Variants in GLIPR1 observed in about 807,000 individuals in gnomAD.
GLIPR1 encodes the protein GLI pathogenesis related 1.
GLIPR1 carries 38 observed loss-of-function variants against 30.3 expected under a neutral mutation model. That is an observed-to-expected ratio of 1.26 (90% CI 0.97 to 1.65). The LOEUF is 1.65. GLIPR1 is among the 40% of genes most tolerant of loss of function. The probability of loss-of-function intolerance (pLI) is 0.00; values close to 1 mark genes in which losing one functional copy is unlikely to be tolerated. For synonymous variants in GLIPR1, 122 were observed against 110.6 expected (o/e 1.10, Z -0.65); for missense variants, 285 against 326.5 (o/e 0.87, Z 0.98).
chr12:75,501,914 G>A lies in GLIPR1; in HGVS notation c.*2936G>A. The A allele has an allele frequency of 6.2e-7, 1 of 1,607,938 alleles. No individual in the cohort carries two copies. Among genetic ancestry groups the A allele is most frequent in the Non-Finnish European group, 8.5e-7 (1 of 1,178,400 alleles). On this transcript the variant is annotated 3_prime_UTR_variant, in exon 6 of 6. Coordinates refer to ENST00000266659, the MANE Select transcript of GLIPR1 (RefSeq NM_006851.3). ...GCTATTCATGTGAGCCAGACATAAA[G>A]TGCCGTACCTTTATTGCTTCCATTT...
Position 75,490,422 on chromosome 12 carries a change from G to A in GLIPR1, c.437G>A (p.Ser146Asn). ...TCCTTTCAGGTTGTTTGGGCAGATA[G>A]TTACAAAGTTGGCTGCGCAGTTCAA... ...GHYTQVVWADSYKVGCAVQFC... is the reference protein window; with the variant it reads ...GHYTQVVWADNYKVGCAVQFC... Residue 146 changes from serine (S) to asparagine (N), a missense_variant, in exon 3 of 6, where the codon AGT (serine) becomes AAT (asparagine). Coordinates refer to ENST00000266659, the MANE Select transcript of GLIPR1 (RefSeq NM_006851.3). The A allele has an allele frequency of 6.3e-7, 1 of 1,591,980 alleles. No individual in the cohort carries two copies.
rs1391780144 is a variant in GLIPR1 at position 75,480,789 on chromosome 12, A to C, written c.-92A>C. On this transcript the variant is annotated 5_prime_UTR_variant, in exon 1 of 6. Coordinates refer to ENST00000266659, the MANE Select transcript of GLIPR1 (RefSeq NM_006851.3). ...CAAAGCTGAAGTCGGCTAGGTTTGC[A>C]AAGCTGTGGGCTGAGCACTCAGGCA... 1.1e-6 allele frequency: 1 copy of C among 947,686 alleles called. No homozygotes were observed. Among genetic ancestry groups the C allele is most frequent in the African/African-American group, 1.6e-5 (1 of 61,046 alleles). 58.7% of individuals were successfully genotyped at this position (947,686 alleles called of 1,614,324 possible).
chr12:75,486,438 A>G (rs1036434514), intron 2 of GLIPR1, among the ~76,000 whole-genome samples: 2 of 152,190 alleles, frequency 1.3e-5, no homozygotes, highest in East Asian at 3.9e-4. Context: ...ACTTCAAAAT[A>G]GGCCTATGGA....
chr12:75,484,392 TG>T (rs1387741419), intron 2 of GLIPR1: 1 of 152,200 alleles, frequency 6.6e-6, no homozygotes, highest in Non-Finnish European at 1.5e-5. Flanking sequence ...TACCCACAGG[TG>T]AATAAACAGA....
At chr12:75,481,177 T>TA (rs1445854334) in intron 1 of GLIPR1, 123 bp downstream of exon 1, 2 of 676,190 alleles carry the variant, frequency 3.0e-6, no homozygotes, top group Non-Finnish European at 4.8e-6. Flanking sequence ...ATGTATGCAG[T>TA]AAATTCACAG....
chr12:75,502,311 T>TAAAGGTAC lies in GLIPR1; in HGVS notation c.*3333_*3334insAAAGGTAC. ...TGGGGAAAATTTGAAGAAGCTTCAA[T>TAAAGGTAC]GGCAGACAAAGTAGGAGGGATAAGA... is the stretch of plus-strand genomic sequence containing the variant. On this transcript the variant is annotated 3_prime_UTR_variant, in exon 6 of 6. Coordinates refer to ENST00000266659, the MANE Select transcript of GLIPR1 (RefSeq NM_006851.3). The TAAAGGTAC allele has an allele frequency of 4.3e-6, 1 of 233,494 alleles. No individual in the cohort carries two copies. 14.5% of individuals were successfully genotyped at this position (233,494 alleles called of 1,614,324 possible).
intron 2 of GLIPR1, among the ~76,000 whole-genome samples, chr12:75,483,057 G>A (rs1180332475): frequency 6.6e-6 from 1 of 151,888 alleles, no homozygotes; most frequent in East Asian, 1.9e-4. Flanking sequence ...CCTTACTCCA[G>A]CTCAGCCTTA....
Position 75,481,717 on chromosome 12 carries a change from C to T in GLIPR1, c.175-117C>T, listed in dbSNP as rs1410109249. The T allele has an allele frequency of 7.2e-5, 61 of 842,632 alleles. No homozygotes were observed. In the East Asian group the frequency reaches 1.4e-3, roughly 19 times the overall value. The allele number at this position is 842,632 out of a possible 1,614,324, so 52.2% of individuals were successfully genotyped here. On this transcript the variant is annotated intron_variant, in intron 1 of 5. Transcript: ENST00000266659. ...TTGAAGACCATATTTATAGAGGACT[C>T]ATATGCAGTGGTATCTTCTCTCCTT...
chr12:75,503,795 C>A lies in GLIPR1; in HGVS notation c.*4817C>A, dbSNP rs559967256. The A allele has an allele frequency of 2.2e-5, 21 of 957,990 alleles. No homozygotes were observed. The highest frequency in any genetic ancestry group is 1.2e-4 in the East Asian group (5 of 40,224). 59.3% of individuals were successfully genotyped at this position (957,990 alleles called of 1,614,324 possible). A position where few individuals can be genotyped will look rare whatever the true frequency, so the allele number is the denominator to read the frequency against. ...TCTTATAGCTCTGCACACACACACACAATATATATATATACACATATCCCA... is the reference window on the plus strand; with the variant it reads ...TCTTATAGCTCTGCACACACACACAAAATATATATATATACACATATCCCA... On this transcript the variant is annotated 3_prime_UTR_variant, in exon 6 of 6. Coordinates refer to ENST00000266659, the MANE Select transcript of GLIPR1 (RefSeq NM_006851.3).
chr12:75,495,441 T>C (rs1224139948), intron 3 of GLIPR1, 136 bp from the exon 4 acceptor site: 3 of 585,910 alleles, frequency 5.1e-6, no homozygotes, highest in Non-Finnish European at 9.4e-6. Context: ...CCTTCCTGTC[T>C]TCACTTCTAT....
chr12:75,495,403 T>G, intron 3 of GLIPR1, 174 bp from the exon 4 acceptor site: 2 of 567,906 alleles, frequency 3.5e-6, no homozygotes, highest in Admixed American at 6.0e-5. Context: ...GAATGAACTA[T>G]GCAAATATTA....
Position 75,503,467 on chromosome 12 carries a change from T to C in GLIPR1, c.*4489T>C, listed in dbSNP as rs2046407740. 6.6e-6 allele frequency: 1 copy of C among 152,164 alleles called. No individual in the cohort carries two copies. Among genetic ancestry groups the C allele is most frequent in the Non-Finnish European group, 1.5e-5 (1 of 68,110 alleles). The allele number at this position is 152,164 out of a possible 1,614,324, so 9.4% of individuals were successfully genotyped here. ...AGAACAAAATGGAAACTGGTCATGG[T>C]GGGAAAGGAAATGAAGCAGAAGACA... On this transcript the variant is annotated 3_prime_UTR_variant, in exon 6 of 6. Transcript: ENST00000266659.
At chr12:75,487,542 T>C (rs1261564805) in intron 2 of GLIPR1, among the ~76,000 whole-genome samples, 1 of 152,102 alleles carries the variant, frequency 6.6e-6, no homozygotes, top group Non-Finnish European at 1.5e-5. Flanking sequence ...CCCTTTTAGA[T>C]CATGGAGTAG....
rs2046300921 is a variant in GLIPR1 at position 75,487,866 on chromosome 12, C to A, written c.421-2540C>A. 4 of 451,274 alleles carry A rather than the reference C, an allele frequency of 8.9e-6. No individual in the cohort carries two copies. In the Admixed American group the frequency reaches 9.5e-5, roughly 11 times the overall value. 28.0% of individuals were successfully genotyped at this position (451,274 alleles called of 1,614,324 possible). A position where few individuals can be genotyped will look rare whatever the true frequency, so the allele number is the denominator to read the frequency against. ...AGAAAGAAAAGAAATAAAAGAATGG[C>A]TACTCCATAGACAGAGCAGTCCTGA... On this transcript the variant is annotated intron_variant, in intron 2 of 5. Transcript: ENST00000266659.
chr12:75,482,121 G>C, intron 2 of GLIPR1, 42 bp downstream of exon 2: 1 of 1,565,954 alleles, frequency 6.4e-7, no homozygotes, highest in Non-Finnish European at 8.8e-7. Flanking sequence ...GTCTTTTCAA[G>C]TATGAGGAGA....
At position 75,480,805 on chromosome 12, in the gene GLIPR1, C is replaced by A; in HGVS notation, c.-76C>A. ...TAGGTTTGCAAAGCTGTGGGCTGAG[C>A]ACTCAGGCAATCACACTCTCAGAAA... On this transcript the variant is annotated 5_prime_UTR_variant, in exon 1 of 6. Transcript: ENST00000266659. 2 of 1,127,664 alleles carry A rather than the reference C, an allele frequency of 1.8e-6. No individual in the cohort carries two copies. The highest frequency in any genetic ancestry group is 1.5e-5 in the South Asian group (1 of 67,058). 69.9% of individuals were successfully genotyped at this position (1,127,664 alleles called of 1,614,324 possible).
chr12:75,498,886 T>TTTCTC lies in GLIPR1; in HGVS notation c.710_714dup (p.Ile239PhefsTer7). The TTTCTC allele has an allele frequency of 6.2e-7, 1 of 1,610,286 alleles. No individual in the cohort carries two copies. Among genetic ancestry groups the TTTCTC allele is most frequent in the Non-Finnish European group, 8.5e-7 (1 of 1,176,788 alleles). On this transcript the variant is annotated frameshift_variant, in exon 6 of 6. Transcript: ENST00000266659. LOFTEE classifies it low-confidence loss of function (END_TRUNC). Reference sequence around the variant, plus strand: ...TCCACGTAACAGATACACTTCTCTCTTTCTCATTGTTAATTCAGTAATTCT... The same window carrying TTTCTC: ...TCCACGTAACAGATACACTTCTCTCTTTCTCTTCTCATTGTTAATTCAGTAATTCT...
Position 75,499,710 on chromosome 12 carries a change from AAG to A in GLIPR1, c.*733_*734del. 1 of 791,694 alleles carries A rather than the reference AAG, an allele frequency of 1.3e-6. No homozygotes were observed. The highest frequency in any genetic ancestry group is 1.9e-6 in the Non-Finnish European group (1 of 525,960). 49.0% of individuals were successfully genotyped at this position (791,694 alleles called of 1,614,324 possible). A position where few individuals can be genotyped will look rare whatever the true frequency, so the allele number is the denominator to read the frequency against. On this transcript the variant is annotated 3_prime_UTR_variant, in exon 6 of 6. Transcript: ENST00000266659. The stretch of plus-strand genomic sequence containing the variant: ...CAACCACCACCACCAAAAAAAAAAA[AAG>A]CCCTCAGAAAATTTCTCACAAATAA...
At chr12:75,485,878 T>C (rs1238084442) in intron 2 of GLIPR1, among the ~76,000 whole-genome samples, 1 of 152,154 alleles carries the variant, frequency 6.6e-6, no homozygotes, top group Non-Finnish European at 1.5e-5. Context: ...AGGTTTCATA[T>C]ATGTTACAAT....
Sources: allele counts gnomAD v4.1 joint callset (sites outside exome capture counted in the v4.1 genomes callset), GRCh38; gene constraint gnomAD v4.1.1; transcripts MANE v1.5; gene names NCBI Gene and HGNC (gene_info 2026-07-23, HGNC 2026-07-21).